MMP16: variants seen among roughly 807,000 people sequenced by gnomAD.
MMP16 encodes matrix metallopeptidase 16.
Under a neutral mutation model 67.8 loss-of-function variants are expected in MMP16, and 12 were observed. The ratio of observed to expected loss-of-function variants is 0.18; its 90% CI spans 0.11 to 0.29. The LOEUF is 0.29. Ranked by LOEUF, MMP16 falls within the 10% of genes least tolerant of loss-of-function variation. MMP16 has a pLI of 1.00. For missense variants in MMP16, 475 were observed against 765.7 expected, an observed-to-expected ratio of 0.62 and a Z score of 4.48; for synonymous variants, 249 against 255.9, an observed-to-expected ratio of 0.97 and a Z score of 0.26.
At chr8:88,197,561 C>G (rs1448977363) in intron 1 of MMP16, among the ~76,000 whole-genome samples, 2 of 152,090 alleles carry the variant, frequency 1.3e-5, no homozygotes, top group Non-Finnish European at 2.9e-5. Context: ...TTGTTGCAAG[C>G]TTATAATGTA....
intron 4 of MMP16, among the ~76,000 whole-genome samples, chr8:88,126,457 T>C (rs1807933172): frequency 6.6e-6 from 1 of 151,910 alleles, no homozygotes; most frequent in African/African-American, 2.4e-5. Context: ...AAACTGTCAG[T>C]TATAAGATAA....
intron 6 of MMP16, among the ~76,000 whole-genome samples, chr8:88,085,183 A>G (rs1808813725): frequency 6.6e-6 from 1 of 152,036 alleles, no homozygotes; most frequent in African/African-American, 2.4e-5. Flanking sequence ...GGACATTTAC[A>G]CTTAATTAAC....
intron 9 of MMP16, among the ~76,000 whole-genome samples, chr8:88,044,233 C>A (rs1173467733): frequency 6.6e-6 from 1 of 152,114 alleles, no homozygotes; most frequent in East Asian, 1.9e-4. Flanking sequence ...ATTGCTTGAG[C>A]CCAGGAGTTC....
intron 1 of MMP16, among the ~76,000 whole-genome samples, chr8:88,293,839 T>C (rs1160102897): frequency 6.6e-6 from 1 of 152,152 alleles, no homozygotes; most frequent in East Asian, 1.9e-4. Flanking sequence ...TACATAAAGC[T>C]ATCTTAGTTA....
chr8:88,259,660 G>A (rs1682211044), intron 1 of MMP16, among the ~76,000 whole-genome samples: 1 of 151,004 alleles, frequency 6.6e-6, no homozygotes, highest in Non-Finnish European at 1.5e-5. Flanking sequence ...GAAGGGGAAG[G>A]GATTCCCAAC....
intron 4 of MMP16, among the ~76,000 whole-genome samples, chr8:88,159,262 G>C (rs1808570703): frequency 6.6e-6 from 1 of 152,120 alleles, no homozygotes; most frequent in Admixed American, 6.6e-5. Context: ...TGGGCAGTAT[G>C]GCCATTTTCA....
chr8:88,158,478 T>C (rs1158344574), intron 4 of MMP16, among the ~76,000 whole-genome samples: 1 of 152,198 alleles, frequency 6.6e-6, no homozygotes, highest in Non-Finnish European at 1.5e-5. Flanking sequence ...TTTTGAGAAG[T>C]GTCGATTCAT....
intron 4 of MMP16, among the ~76,000 whole-genome samples, chr8:88,128,971 C>G (rs1807982687): frequency 6.6e-6 from 1 of 151,558 alleles, no homozygotes; most frequent in South Asian, 2.1e-4. Context: ...GAATAGAGAC[C>G]CTCACAGAAG....
intron 6 of MMP16, among the ~76,000 whole-genome samples, chr8:88,087,896 A>G (rs1808862381): frequency 6.6e-6 from 1 of 151,440 alleles, no homozygotes. Context: ...GTGAGCCGTG[A>G]TTGTGGTACT....
chr8:88,165,176 TC>T (rs1472672511), intron 4 of MMP16, among the ~76,000 whole-genome samples: 56 of 78,314 alleles, frequency 7.2e-4, no homozygotes, highest in Non-Finnish European at 4.7e-4. Context: ...GAACCCCATC[TC>T]TAAAAAAAAA....
intron 6 of MMP16, among the ~76,000 whole-genome samples, chr8:88,107,087 T>C (rs879892740): frequency 6.0e-5 from 9 of 151,256 alleles, no homozygotes; most frequent in Non-Finnish European, 8.9e-5. Flanking sequence ...GGGAATTTAC[T>C]TAGATTTTTT....
intron 1 of MMP16, among the ~76,000 whole-genome samples, chr8:88,263,437 C>T (rs770462440): frequency 2.0e-5 from 3 of 152,072 alleles, no homozygotes; most frequent in East Asian, 1.9e-4. Context: ...CCCACCCATC[C>T]GACACATGAG....
chr8:88,195,123 T>A (rs538665229), intron 2 of MMP16, among the ~76,000 whole-genome samples: 5 of 152,158 alleles, frequency 3.3e-5, no homozygotes, highest in East Asian at 1.9e-4. Context: ...CCTTTCCATA[T>A]GAAGGGCCCA....
At chr8:88,230,773 T>C (rs1051545247) in intron 1 of MMP16, among the ~76,000 whole-genome samples, 3 of 152,136 alleles carry the variant, frequency 2.0e-5, no homozygotes, top group Admixed American at 2.0e-4. Flanking sequence ...TGCATTCTTA[T>C]AAATGCTGGA....
chr8:88,101,365 A>G (rs1393106734), intron 6 of MMP16, among the ~76,000 whole-genome samples: 1 of 151,930 alleles, frequency 6.6e-6, no homozygotes, highest in East Asian at 1.9e-4. Context: ...TTACATGAAA[A>G]AGTTTCAGGA....
intron 1 of MMP16, among the ~76,000 whole-genome samples, chr8:88,261,772 T>TACACACACACACACACACAC (rs1475874060): frequency 6.7e-6 from 1 of 149,768 alleles, no homozygotes; most frequent in South Asian, 2.1e-4. Flanking sequence ...TATGTACATG[T>TACACACACACACACACACAC]ACACACACAC....
At chr8:88,046,585 A>G (rs542838688) in intron 9 of MMP16, 84 bp downstream of exon 9, 4 of 805,202 alleles carry the variant, frequency 5.0e-6, no homozygotes, top group East Asian at 2.6e-5. Context: ...GCACTTTCCA[A>G]TGGCTTAATT....
intron 1 of MMP16, among the ~76,000 whole-genome samples, chr8:88,299,939 T>G (rs17729596): frequency 0.1 from 15,442 of 152,282 alleles, 941 homozygotes; most frequent in South Asian, 0.17. Context: ...ACTTTTTGTG[T>G]GTGCTAGGTA....
chr8:88,279,631 T>C (rs1810701619), intron 1 of MMP16, among the ~76,000 whole-genome samples: 1 of 152,166 alleles, frequency 6.6e-6, no homozygotes, highest in Non-Finnish European at 1.5e-5. Context: ...TTCTGGGACC[T>C]AACTAACTAC....
Sources: allele counts gnomAD v4.1 joint callset (sites outside exome capture counted in the v4.1 genomes callset), GRCh38; gene constraint gnomAD v4.1.1; transcripts MANE v1.5; gene names NCBI Gene and HGNC (gene_info 2026-07-23, HGNC 2026-07-21).